Variants in PTPRD observed in about 807,000 individuals in gnomAD.
The protein encoded by PTPRD is protein tyrosine phosphatase receptor type D.
In PTPRD, 34 loss-of-function variants were observed where a neutral mutation model predicts 214.5. The observed-to-expected ratio is 0.16, with a 90% CI of 0.12 to 0.21. The LOEUF (loss-of-function observed/expected upper bound fraction) is 0.21. Among genes scored for constraint, PTPRD ranks in the 10% least tolerant of loss-of-function variants. PTPRD has a pLI of 1.00. For missense variants in PTPRD, 2,545 were observed against 2,398.7 expected, an observed-to-expected ratio of 1.06 and a Z score of -1.27; for synonymous variants, 1,128 against 845.7, an observed-to-expected ratio of 1.33 and a Z score of -5.79.
At chr9:8,807,042 G>T (rs2096698944) in intron 11 of PTPRD, among the ~76,000 whole-genome samples, 1 of 152,094 alleles carries the variant, frequency 6.6e-6, no homozygotes, top group Non-Finnish European at 1.5e-5. Flanking sequence ...GATACTGAAA[G>T]AAGTGGGAAG....
intron 3 of PTPRD, among the ~76,000 whole-genome samples, chr9:10,174,429 G>A (rs1279188821): frequency 6.6e-6 from 1 of 152,126 alleles, no homozygotes; most frequent in Non-Finnish European, 1.5e-5. Context: ...GAAGGAAAAT[G>A]AGGCCCTCAA....
At chr9:9,467,588 C>CTAAAAAAAAAAAA (rs1455062808) in intron 8 of PTPRD, among the ~76,000 whole-genome samples, 1 of 55,954 alleles carries the variant, frequency 1.8e-5, no homozygotes, top group African/African-American at 6.6e-5. Context: ...CTCCATCTCC[C>CTAAAAAAAAAAAA]AAAAAAAAAA....
At chr9:8,375,241 A>C (rs192821046) in intron 39 of PTPRD, among the ~76,000 whole-genome samples, 148 of 152,120 alleles carry the variant, frequency 9.7e-4, no homozygotes, top group African/African-American at 3.1e-3. Context: ...AATCAGCTTA[A>C]TATTTAAAAA....
intron 9 of PTPRD, among the ~76,000 whole-genome samples, chr9:9,258,110 T>C (rs118057256): frequency 6.9e-6 from 1 of 144,324 alleles, no homozygotes; most frequent in Non-Finnish European, 1.6e-5. Flanking sequence ...GATAGATAGA[T>C]AGATAGACAG....
At chr9:10,152,257 T>C (rs187092113) in intron 3 of PTPRD, among the ~76,000 whole-genome samples, 5 of 152,328 alleles carry the variant, frequency 3.3e-5, no homozygotes, top group Admixed American at 2.6e-4. Flanking sequence ...TTTCAATCTG[T>C]ATTTGCCTAG....
At chr9:9,862,221 A>G (rs997684850) in intron 5 of PTPRD, among the ~76,000 whole-genome samples, 1 of 152,210 alleles carries the variant, frequency 6.6e-6, no homozygotes, top group African/African-American at 2.4e-5. Flanking sequence ...GAAAAAAAAA[A>G]AAAGTGTTTA....
Position 9,965,994 on chromosome 9 carries a change from C to T in PTPRD, c.-471-27384G>A, listed in dbSNP as rs1333981991. Among the ~76,000 whole-genome samples, 7 of 152,110 alleles carry T rather than the reference C, an allele frequency of 4.6e-5. No homozygotes were observed. In the East Asian group the frequency reaches 9.6e-4, roughly 21 times the overall value. ...TTTTGAGTATATTGCTAAAAGCAAG[C>T]ACAAAAAGTCAGGTTTTTATATTAC... is the stretch of plus-strand genomic sequence containing the variant. On this transcript the variant is annotated intron_variant, in intron 4 of 45. Coordinates refer to ENST00000381196, the MANE Select transcript of PTPRD (RefSeq NM_002839.4).
At chr9:9,129,800 A>G (rs1266440391) in intron 10 of PTPRD, among the ~76,000 whole-genome samples, 55 of 152,178 alleles carry the variant, frequency 3.6e-4, no homozygotes, top group Admixed American at 3.6e-3. Flanking sequence ...GTCCAACCAG[A>G]AAATATTTAC....
chr9:9,954,027 T>G (rs187847393), intron 4 of PTPRD, among the ~76,000 whole-genome samples: 38 of 152,178 alleles, frequency 2.5e-4, no homozygotes, highest in African/African-American at 8.7e-4. Context: ...CTGGTTGCGG[T>G]GGCTCATGCT....
At chr9:9,398,804 G>A (rs569037785) in intron 8 of PTPRD, among the ~76,000 whole-genome samples, 28 of 151,870 alleles carry the variant, frequency 1.8e-4, no homozygotes, top group Middle Eastern at 3.4e-3. Flanking sequence ...ATTTGCTTTG[G>A]CCTATGAACG....
chr9:10,599,217 G>T (rs2077380297), intron 2 of PTPRD, among the ~76,000 whole-genome samples: 1 of 151,548 alleles, frequency 6.6e-6, no homozygotes, highest in African/African-American at 2.4e-5. Context: ...ATCTACGAAT[G>T]ACCATGAAAA....
rs561085877 is a variant in PTPRD at position 10,376,688 on chromosome 9, G to A, written c.-599-35671C>T. Reference sequence around the variant, plus strand: ...GCCATGTAATTTTGCAGTCAGAGAAGATAATTCTAAAATTTATTTGGTTAT... The same window carrying A: ...GCCATGTAATTTTGCAGTCAGAGAAAATAATTCTAAAATTTATTTGGTTAT... On this transcript the variant is annotated intron_variant, in intron 2 of 45. Coordinates refer to ENST00000381196, the MANE Select transcript of PTPRD (RefSeq NM_002839.4). Among the ~76,000 whole-genome samples, 7 of 151,798 alleles carry A rather than the reference G, an allele frequency of 4.6e-5. No individual in the cohort carries two copies. The South Asian group carries it at 1.2e-3, about 27-fold the overall frequency.
chr9:9,638,269 A>C (rs1260069889), intron 7 of PTPRD, among the ~76,000 whole-genome samples: 1 of 152,104 alleles, frequency 6.6e-6, no homozygotes, highest in Non-Finnish European at 1.5e-5. Flanking sequence ...TTTTACTACA[A>C]GCAGTCCAAA....
intron 9 of PTPRD, among the ~76,000 whole-genome samples, chr9:9,252,871 G>A (rs1410468874): frequency 6.6e-6 from 1 of 151,950 alleles, no homozygotes; most frequent in Non-Finnish European, 1.5e-5. Context: ...TCACACGCAA[G>A]AGTAGAAGGA....
intron 7 of PTPRD, among the ~76,000 whole-genome samples, chr9:9,707,444 G>C (rs1393722352): frequency 2.0e-5 from 3 of 152,076 alleles, no homozygotes; most frequent in Non-Finnish European, 4.4e-5. Context: ...AGTAGAGGAC[G>C]TTGCTTGTTT....
At chr9:9,591,919 C>T (rs990372600) in intron 7 of PTPRD, among the ~76,000 whole-genome samples, 20 of 152,026 alleles carry the variant, frequency 1.3e-4, no homozygotes, top group African/African-American at 4.6e-4. Flanking sequence ...TTCCTGCTAT[C>T]TAATTGTAAT....
chr9:10,120,402 G>C (rs1023762641), intron 3 of PTPRD, among the ~76,000 whole-genome samples: 1 of 151,874 alleles, frequency 6.6e-6, no homozygotes, highest in African/African-American at 2.4e-5. Flanking sequence ...TCATTGGTGA[G>C]GAAACTGAGA....
chr9:8,324,324 C>A (rs567138672), intron 44 of PTPRD, among the ~76,000 whole-genome samples: 1 of 152,214 alleles, frequency 6.6e-6, no homozygotes, highest in South Asian at 2.1e-4. Flanking sequence ...CTATTCCACT[C>A]CCACTTATAA....
At chr9:9,855,469 T>C (rs548045280) in intron 5 of PTPRD, among the ~76,000 whole-genome samples, 1 of 152,280 alleles carries the variant, frequency 6.6e-6, no homozygotes, top group South Asian at 2.1e-4. Context: ...AAGAGAATAC[T>C]ACTTGAAGTA....
Sources: gnomAD v4.1 joint callset for allele counts (sites outside exome capture counted in the v4.1 genomes callset) on GRCh38, gnomAD v4.1.1 for gene constraint, MANE v1.5 for transcripts, NCBI Gene and HGNC (gene_info 2026-07-23, HGNC 2026-07-21) for gene names.